The following ATAD2B variants were observed in gnomAD, a reference collection of about 807,000 sequenced individuals.
ATAD2B encodes the protein ATPase family AAA domain-containing protein 2B.
ATAD2B carries 40 observed loss-of-function variants against 167.6 expected under a neutral mutation model. The ratio of observed to expected loss-of-function variants is 0.24; its 90% CI spans 0.19 to 0.31. The LOEUF (loss-of-function observed/expected upper bound fraction) is 0.31, where lower values mean the gene tolerates loss of function less well. Ranked by LOEUF, ATAD2B falls within the 10% of genes least tolerant of loss-of-function variation. ATAD2B has a pLI of 1.00. For missense variants in ATAD2B, 1,242 were observed against 1,757.2 expected (o/e 0.71, Z 5.24); for synonymous variants, 579 against 596.5 (o/e 0.97, Z 0.43).
intron 1 of ATAD2B, among the ~76,000 whole-genome samples, chr2:23,898,213 GATTATA>G (rs1281531243): frequency 1.3e-5 from 2 of 152,158 alleles, no homozygotes; most frequent in African/African-American, 4.8e-5. Context: ...AAAGTGCTAG[GATTATA>G]GGTGGGAGGC....
At position 23,819,820 on chromosome 2, in the gene ATAD2B, T is replaced by C. The variant is rs768880353; in HGVS notation, c.2194A>G (p.Asn732Asp). Residue 732 changes from asparagine to aspartate, a missense_variant, in exon 17 of 28, where the codon AAT (asparagine) becomes GAT (aspartate). Coordinates refer to ENST00000238789, the MANE Select transcript of ATAD2B (RefSeq NM_017552.4). ...DENALSIFET[N>D]CHSGSPKKQS... The stretch of plus-strand genomic sequence containing the variant: ...TTCTTTGGTGATCCTGAGTGACAAT[T>C]GGTCTCAAAAATTGATAAAGCATTT... 2 of 1,602,496 alleles carry C rather than the reference T, an allele frequency of 1.2e-6. No homozygotes were observed. Among genetic ancestry groups the C allele is most frequent in the South Asian group, 1.1e-5 (1 of 90,756 alleles).
chr2:23,796,545 T>C (rs746566993), intron 19 of ATAD2B, among the ~76,000 whole-genome samples: 8 of 152,226 alleles, frequency 5.3e-5, no homozygotes, highest in Non-Finnish European at 1.0e-4. Context: ...TCAAACAATA[T>C]AGAGGGAAAT....
At chr2:23,831,830 C>T (rs1689118494) in intron 14 of ATAD2B, among the ~76,000 whole-genome samples, 1 of 152,218 alleles carries the variant, frequency 6.6e-6, no homozygotes, top group African/African-American at 2.4e-5. Flanking sequence ...CCCTTTTCTA[C>T]TAGATATTTC....
Position 23,754,722 on chromosome 2 carries a change from C to T in ATAD2B, c.4131G>A (p.Thr1377=), listed in dbSNP as rs1373538367. The T allele has an allele frequency of 1.9e-6, 3 of 1,612,746 alleles. No individual in the cohort carries two copies. Among genetic ancestry groups the T allele is most frequent in the Non-Finnish European group, 2.5e-6 (3 of 1,179,202 alleles). The change falls in exon 26 of 28, where the codon ACG becomes ACA. Residue 1377 remains threonine (T), a synonymous_variant. Coordinates refer to ENST00000238789, the MANE Select transcript of ATAD2B (RefSeq NM_017552.4). ...CTTCTGGAACCAGTTCCAGGCTTGT[C>T]GTTTTTGCCTGCTCTAAAATTAATT... ...YRKLILEQAK[T]TSLELVPEEP...
chr2:23,755,820 G>A (rs1486187944), intron 25 of ATAD2B, among the ~76,000 whole-genome samples: 1 of 152,048 alleles, frequency 6.6e-6, no homozygotes, highest in South Asian at 2.1e-4. Flanking sequence ...TATATTTCAG[G>A]CTGCTTTTAA....
chr2:23,811,233 G>A (rs1685540482), intron 17 of ATAD2B: 1 of 152,164 alleles, frequency 6.6e-6, no homozygotes, highest in Admixed American at 6.5e-5. Context: ...CCCAAATGTA[G>A]GACTCAATTA....
At chr2:23,818,089 C>CAATT (rs1265026595) in intron 17 of ATAD2B, among the ~76,000 whole-genome samples, 19 of 81,772 alleles carry the variant, frequency 2.3e-4, no homozygotes, top group African/African-American at 9.4e-4. Flanking sequence ...CACACACACA[C>CAATT]ACACATTACA....
At chr2:23,770,721 C>T (rs529485582) in intron 22 of ATAD2B, among the ~76,000 whole-genome samples, 2 of 152,348 alleles carry the variant, frequency 1.3e-5, no homozygotes, top group South Asian at 4.1e-4. Context: ...TTCATGCCAA[C>T]ATACACTGTC....
intron 13 of ATAD2B, among the ~76,000 whole-genome samples, chr2:23,845,237 T>A (rs889305046): frequency 6.6e-6 from 1 of 152,128 alleles, no homozygotes. Flanking sequence ...CGATAAAAAA[T>A]ATATGTTCTA....
At chr2:23,738,184 A>G in the ATAD2B span, among the ~76,000 whole-genome samples, 2 of 152,234 alleles carry the variant, frequency 1.3e-5, no homozygotes, top group Non-Finnish European at 2.9e-5. Flanking sequence ...ATTCAGATTC[A>G]GGAAATACAG....
At chr2:23,849,147 C>A (rs1021461785) in intron 13 of ATAD2B, among the ~76,000 whole-genome samples, 1 of 152,028 alleles carries the variant, frequency 6.6e-6, no homozygotes, top group African/African-American at 2.4e-5. Context: ...TTACATTAAA[C>A]ATTGACTAAA....
the ATAD2B span, chr2:23,691,313 C>A: frequency 3.4e-6 from 1 of 290,932 alleles, no homozygotes; most frequent in Non-Finnish European, 6.6e-6. Context: ...GGCTGGGATG[C>A]GTCGGCCTGC....
At chr2:23,906,126 C>G (rs1415268825) in intron 1 of ATAD2B, among the ~76,000 whole-genome samples, 1 of 152,036 alleles carries the variant, frequency 6.6e-6, no homozygotes, top group Non-Finnish European at 1.5e-5. Context: ...CAGTTGAGGT[C>G]AGGAGTTCAA....
intron 1 of ATAD2B, among the ~76,000 whole-genome samples, chr2:23,918,224 T>C (rs868700314): frequency 8.1e-5 from 6 of 74,370 alleles, no homozygotes; most frequent in African/African-American, 2.9e-4. Context: ...AAAAAAAAAA[T>C]AGCCAGGTGT....
At chr2:23,881,121 TA>T (rs1697817606) in intron 6 of ATAD2B, among the ~76,000 whole-genome samples, 1 of 152,196 alleles carries the variant, frequency 6.6e-6, no homozygotes, top group Admixed American at 6.5e-5. Context: ...AACCACTAAA[TA>T]AGATTAGTAT....
chr2:23,831,105 ATT>A (rs1015322607), intron 14 of ATAD2B, among the ~76,000 whole-genome samples: 1 of 152,144 alleles, frequency 6.6e-6, no homozygotes, highest in African/African-American at 2.4e-5. Flanking sequence ...TTCATTATGT[ATT>A]TTACTCTATA....
At chr2:23,840,376 C>CA (rs1690688848) in intron 13 of ATAD2B, among the ~76,000 whole-genome samples, 1 of 152,180 alleles carries the variant, frequency 6.6e-6, no homozygotes, top group South Asian at 2.1e-4. Context: ...AGAGGCTCGT[C>CA]AGTTTTTTCA....
At position 23,858,776 on chromosome 2, in the gene ATAD2B, T is replaced by C. The variant is rs143130778; in HGVS notation, c.1480-1273A>G. 1.4e-3 allele frequency among the ~76,000 whole-genome samples: 213 copies of C among 152,270 alleles called. 4 individuals carry two copies. The East Asian group carries it at 0.037, about 26-fold the overall frequency. ...GGGATTACAGGTCTGAGATACTGTG[T>C]CCAGCCTGCCTCATTCGTTTTCAAC... On this transcript the variant is annotated intron_variant, in intron 12 of 27. Transcript: ENST00000238789.
At chr2:23,752,227 C>G (rs974479899) in intron 27 of ATAD2B, 140 bp from the exon 28 acceptor site, 1 of 656,696 alleles carries the variant, frequency 1.5e-6, no homozygotes, top group African/African-American at 1.8e-5. Context: ...GATTATAATA[C>G]CATAGGTAAT....
Sources: allele counts gnomAD v4.1 joint callset (sites outside exome capture counted in the v4.1 genomes callset), GRCh38; gene constraint gnomAD v4.1.1; transcripts MANE v1.5; gene names NCBI Gene and HGNC (gene_info 2026-07-23, HGNC 2026-07-21).